ITGA5: variants seen among roughly 807,000 people sequenced by gnomAD.
ITGA5 encodes integrin subunit alpha 5, also known as integrin alpha-5.
In ITGA5, 55 loss-of-function variants were observed where a neutral mutation model predicts 146.3. That is an observed-to-expected ratio of 0.38 (90% confidence interval 0.30 to 0.47). ITGA5 has a LOEUF of 0.47. ITGA5 is among the 20% of genes least tolerant of loss of function. The pLI is 0.99. For synonymous variants in ITGA5, 500 were observed against 531.8 expected, an observed-to-expected ratio of 0.94 and a Z score of 0.82; for missense variants, 1,131 against 1,329.0, an observed-to-expected ratio of 0.85 and a Z score of 2.32.
chr12:54,402,293 G>C lies in ITGA5; in HGVS notation c.2020C>G (p.Leu674Val). Residue 674 changes from leucine (L) to valine (V), a missense_variant, in exon 20 of 30, where the codon CTG becomes GTG. Transcript: ENST00000293379. Reference sequence around the variant, plus strand: ...TTCTGGGCATGGAAAGTGAGGTTCAGGGCATTCTTGTCACCCAGGTACACA... The same window carrying C: ...TTCTGGGCATGGAAAGTGAGGTTCACGGCATTCTTGTCACCCAGGTACACA... Reference protein sequence around the residue: ...NHVYLGDKNALNLTFHAQNVG... With the variant: ...NHVYLGDKNAVNLTFHAQNVG... 6.2e-7 allele frequency: 1 copy of C among 1,614,122 alleles called. No homozygotes were observed. The highest frequency in any genetic ancestry group is 8.5e-7 in the Non-Finnish European group (1 of 1,179,986).
At position 54,405,183 on chromosome 12, in the gene ITGA5, T is replaced by C. The variant is rs751437693; in HGVS notation, c.1208A>G (p.Asp403Gly). The change falls in exon 12 of 30, where the codon GAC becomes GGC. Residue 403 changes from aspartate to glycine, a missense_variant. Asp to Gly is a moderately conservative substitution (Grantham distance 94). Transcript: ENST00000293379. ...GTACTCACCATTGTAGCCATCCTGG[T>C]CCAGGTCCCCCAGGGGGGTCAAGGA... ...GSSLTPLGDL[D>G]QDGYNDVAIG... 6.2e-7 allele frequency: 1 copy of C among 1,604,936 alleles called. No individual in the cohort carries two copies. The highest frequency in any genetic ancestry group is 8.5e-7 in the Non-Finnish European group (1 of 1,173,832).
chr12:54,411,523 A>T (rs1289995002), intron 2 of ITGA5, among the ~76,000 whole-genome samples: 2 of 152,238 alleles, frequency 1.3e-5, no homozygotes, highest in African/African-American at 2.4e-5. Context: ...AAAGGAACTG[A>T]ATAGTTTGTG....
chr12:54,407,474 A>C (rs1228708541), intron 9 of ITGA5, 175 bp downstream of exon 9: 8 of 653,078 alleles, frequency 1.2e-5, no homozygotes, highest in Non-Finnish European at 2.3e-5. Context: ...CAGGAAGCAG[A>C]GTATGAATAA....
intron 2 of ITGA5, among the ~76,000 whole-genome samples, chr12:54,411,208 C>T (rs1028957308): frequency 1.3e-5 from 2 of 152,256 alleles, no homozygotes; most frequent in South Asian, 4.1e-4. Flanking sequence ...TTCATATCCT[C>T]TCTCCAATGT....
At chr12:54,404,014 A>G (rs766474714) in intron 15 of ITGA5, 48 bp from the exon 16 acceptor site, 1 of 1,602,162 alleles carries the variant, frequency 6.2e-7, no homozygotes, top group Middle Eastern at 1.7e-4. Flanking sequence ...TGGAACAGAC[A>G]TCCTATCCTC....
rs745307085 is a variant in ITGA5 at position 54,409,500 on chromosome 12, A to G, written c.447T>C (p.His149=). Residue 149 remains histidine (H), a synonymous_variant, in exon 3 of 30, where the codon CAT becomes CAC. Transcript: ENST00000293379. This position sits in a 1 kb window ranked among gnomAD's most constrained non-coding sequence, Gnocchi z 4.7. ...GGCCCCTCACCAAGATGGAGGAGCC[A>G]TGGGCTCGAACTGTTGCCCCGAACC... ...LQWFGATVRA[H]GSSILACAPL... 1.2e-6 allele frequency: 2 copies of G among 1,613,766 alleles called. No individual in the cohort carries two copies. Among genetic ancestry groups the G allele is most frequent in the East Asian group, 2.2e-5 (1 of 44,870 alleles).
Position 54,399,662 on chromosome 12 carries a change from C to T in ITGA5, c.2824G>A (p.Ala942Thr), listed in dbSNP as rs1955761701. ...QSLQLHFRVW[A>T]KTFLQREHQP... ...TCCCTCACCTGCAAGAAAGTCTTGGCCCAGACTCGGAAATGCAACTGCAGA... is the reference window on the plus strand; with the variant it reads ...TCCCTCACCTGCAAGAAAGTCTTGGTCCAGACTCGGAAATGCAACTGCAGA... Residue 942 changes from alanine (A) to threonine (T), a missense_variant, in exon 27 of 30, where the codon GCC becomes ACC. Ala to Thr is a moderately conservative substitution (Grantham distance 58). Around this residue, in one of 3 missense-constraint regions of ITGA5, gnomAD observed 889 missense variants for 1,021.5 expected, o/e 0.87. Transcript: ENST00000293379. The T allele has an allele frequency of 6.2e-7, 1 of 1,613,784 alleles. No homozygotes were observed. The highest frequency in any genetic ancestry group is 1.7e-5 in the Admixed American group (1 of 60,004).
chr12:54,406,993 C>T (rs994097895), intron 9 of ITGA5, among the ~76,000 whole-genome samples: 1 of 152,174 alleles, frequency 6.6e-6, no homozygotes, highest in Non-Finnish European at 1.5e-5. Context: ...TGATCTTAAG[C>T]AACTTACTTG....
At position 54,400,247 on chromosome 12, in the gene ITGA5, G is replaced by C. The variant is rs541834623; in HGVS notation, c.2644-300C>G. The C allele has an allele frequency of 4.3e-4, 158 of 371,508 alleles. 1 individual carries two copies. The highest frequency in any genetic ancestry group is 5.3e-4 in the Non-Finnish European group (108 of 202,474). 23.0% of individuals were successfully genotyped at this position (371,508 alleles called of 1,614,324 possible). On this transcript the variant is annotated intron_variant, in intron 25 of 29. Transcript: ENST00000293379. ...GCTCATCCCTGAGTCTTATAGACAG[G>C]TTCAACCTTATCTTTCAGGCCTCAG...
chr12:54,398,622 C>T lies in ITGA5; in HGVS notation c.2918G>A (p.Arg973Gln), dbSNP rs1477449283. The T allele has an allele frequency of 1.9e-5, 30 of 1,610,886 alleles. No individual in the cohort carries two copies. Among genetic ancestry groups the T allele is most frequent in the Middle Eastern group, 1.6e-4 (1 of 6,074 alleles). ...CTGACGCTCTTTTTGGGGCAGCTGC[C>T]GAGGCAGGATTCGGTAGGGCATCTT... The part of the protein sequence containing the change: ...ALKMPYRILP[R>Q]QLPQKERQVA... Residue 973 changes from arginine to glutamine, a missense_variant, in exon 28 of 30, where the codon CGG (arginine) becomes CAG (glutamine). By Grantham distance (43) the Arg-to-Gln change is conservative. Transcript: ENST00000293379.
chr12:54,396,193 G>T lies in ITGA5; in HGVS notation c.*100C>A. ...GGCTGGGGAGAGGAGCTTCTCCCTG[G>T]CCGTCAGCACCTTCAAGAAGTACCC... On this transcript the variant is annotated 3_prime_UTR_variant, in exon 30 of 30. Coordinates refer to ENST00000293379, the MANE Select transcript of ITGA5 (RefSeq NM_002205.5). The T allele has an allele frequency of 1.1e-6, 1 of 921,796 alleles. No homozygotes were observed. Among genetic ancestry groups the T allele is most frequent in the Non-Finnish European group, 1.7e-6 (1 of 580,270 alleles). 57.1% of individuals were successfully genotyped at this position (921,796 alleles called of 1,614,324 possible). A position where few individuals can be genotyped will look rare whatever the true frequency, so the allele number is the denominator to read the frequency against.
chr12:54,399,853 G>T lies in ITGA5; in HGVS notation c.2727+11C>A. On this transcript the variant is annotated intron_variant, in intron 26 of 29. Transcript: ENST00000293379. ...CACTTTGGTCCACACCTCATTCCCT[G>T]CCTGACTTACCAGGATCTGAGGTCC... 6.2e-7 allele frequency: 1 copy of T among 1,613,440 alleles called. No homozygotes were observed. The highest frequency in any genetic ancestry group is 1.1e-5 in the South Asian group (1 of 91,066).
At position 54,401,426 on chromosome 12, in the gene ITGA5, C is replaced by T. The variant is rs764027211; in HGVS notation, c.2440G>A (p.Asp814Asn). 1.2e-6 allele frequency: 2 copies of T among 1,614,026 alleles called. No homozygotes were observed. The highest frequency in any genetic ancestry group is 2.7e-5 in the African/African-American group (2 of 74,904). Reference sequence around the variant, plus strand: ...AGGTCCTCCTCCTTCTGAGGCTGGTCTCGGGGATGCCAGTCGCTTACTGGG... The same window carrying T: ...AGGTCCTCCTCCTTCTGAGGCTGGTTTCGGGGATGCCAGTCGCTTACTGGG... ...LFPVSDWHPRDQPQKEEDLGP... is the reference protein window; with the variant it reads ...LFPVSDWHPRNQPQKEEDLGP... Residue 814 changes from aspartate to asparagine, a missense_variant, in exon 24 of 30, where the codon GAC (aspartate) becomes AAC (asparagine). Physicochemically the swap from Asp to Asn is conservative, Grantham distance 23 (BLOSUM62 1). Around this residue, in one of 3 missense-constraint regions of ITGA5, gnomAD observed 889 missense variants for 1,021.5 expected, o/e 0.87. Transcript: ENST00000293379. The surrounding 1 kb of genome is among the most constrained non-coding windows in gnomAD (Gnocchi z 5.0).
rs1235928677 is a variant in ITGA5, at chr12:54,401,767, A to T, written c.2306+9T>A. 2 of 1,612,798 alleles carry T rather than the reference A, an allele frequency of 1.2e-6. No individual in the cohort carries two copies. The highest frequency in any genetic ancestry group is 2.7e-5 in the African/African-American group (2 of 74,554). On this transcript the variant is annotated intron_variant, in intron 22 of 29. Coordinates refer to ENST00000293379, the MANE Select transcript of ITGA5 (RefSeq NM_002205.5). This position sits in a 1 kb window ranked among gnomAD's most constrained non-coding sequence, Gnocchi z 5.0. ...GCTCAGCCCCAGCCTAGACACACTC[A>T]CTCCCTACCTGAGGATCTGGAAGTC...
intron 2 of ITGA5, 83 bp downstream of exon 2, chr12:54,411,751 C>T (rs1795842): frequency 1.6e-6 from 2 of 1,260,206 alleles, no homozygotes; most frequent in Non-Finnish European, 1.0e-6. Flanking sequence ...GCAGGCTCCA[C>T]CCCTCGCCCC....
chr12:54,408,214 T>C lies in ITGA5; in HGVS notation c.713A>G (p.Gln238Arg), dbSNP rs1229193206. ...FWQGQILSAT[Q>R]EQIAESYYPE... ...GTAATAAGATTCTGCAATCTGCTCCTGAGTGGCAGACAGGATCTGGCCTGG... is the reference window on the plus strand; with the variant it reads ...GTAATAAGATTCTGCAATCTGCTCCCGAGTGGCAGACAGGATCTGGCCTGG... Residue 238 changes from glutamine to arginine, a missense_variant, in exon 7 of 30, where the codon CAG becomes CGG. Around this residue, in one of 3 missense-constraint regions of ITGA5, gnomAD observed 67 missense variants for 128.2 expected, o/e 0.52. Transcript: ENST00000293379. The C allele has an allele frequency of 6.2e-7, 1 of 1,614,092 alleles. No individual in the cohort carries two copies. Among genetic ancestry groups the C allele is most frequent in the Non-Finnish European group, 8.5e-7 (1 of 1,180,012 alleles).
Position 54,407,659 on chromosome 12 carries a change from G to T in ITGA5, c.896C>A (p.Thr299Asn). 6.2e-7 allele frequency: 1 copy of T among 1,613,586 alleles called. No homozygotes were observed. The change falls in exon 9 of 30, where the codon ACT becomes AAT. Residue 299 changes from threonine (T) to asparagine (N), a missense_variant. By Grantham distance (65) the Thr-to-Asn change is moderately conservative. This residue lies in a region of ITGA5 where 889 missense variants were observed against 1,021.5 expected (regional missense o/e 0.87). Coordinates refer to ENST00000293379, the MANE Select transcript of ITGA5 (RefSeq NM_002205.5). ...FVAGVPKGNL[T>N]YGYVTILNGS... ...CAGGCTGGGTCTTACATAGCCGTAA[G>T]TGAGGTTCCCTTTGGGCACACCAGC...
chr12:54,398,913 C>T (rs1253730796), intron 27 of ITGA5: 1 of 430,330 alleles, frequency 2.3e-6, no homozygotes, highest in Non-Finnish European at 4.0e-6. Flanking sequence ...GGGCTTAGGT[C>T]ACTGCAACCT....
At position 54,397,441 on chromosome 12, in the gene ITGA5, A is replaced by G. The variant is rs1161364374; in HGVS notation, c.2990T>C (p.Val997Ala). Reference protein sequence around the residue: ...QWTKAEGSYGVPLWIIILAIL... With the variant: ...QWTKAEGSYGAPLWIIILAIL... Reference sequence around the variant, plus strand: ...GGCTAGGATGATGATCCACAGTGGGACGCCATAGCTGCCTTCTGCCTTGGT... The same window carrying G: ...GGCTAGGATGATGATCCACAGTGGGGCGCCATAGCTGCCTTCTGCCTTGGT... The change falls in exon 29 of 30, where the codon GTC becomes GCC. Residue 997 changes from valine (V) to alanine (A), a missense_variant. Around this residue, in one of 3 missense-constraint regions of ITGA5, gnomAD observed 889 missense variants for 1,021.5 expected, o/e 0.87. Transcript: ENST00000293379. 2.5e-6 allele frequency: 4 copies of G among 1,614,166 alleles called. No individual in the cohort carries two copies. Among genetic ancestry groups the G allele is most frequent in the South Asian group, 1.1e-5 (1 of 91,080 alleles).
Sources: gnomAD v4.1 joint callset for allele counts (sites outside exome capture counted in the v4.1 genomes callset) on GRCh38, gnomAD v4.1.1 for gene constraint, gnomAD v4.1.1 regional missense constraint, Gnocchi (gnomAD v3.1) non-coding constraint, MANE v1.5 for transcripts, NCBI Gene and HGNC (gene_info 2026-07-23, HGNC 2026-07-21) for gene names.